The following FAM131A variants were observed in gnomAD, a reference collection of about 807,000 sequenced individuals.
FAM131A encodes protein FAM131A.
In FAM131A, 24 loss-of-function variants were observed where a neutral mutation model predicts 39.2. The observed-to-expected ratio is 0.61, with a 90% CI of 0.44 to 0.86. The LOEUF (loss-of-function observed/expected upper bound fraction) is 0.86. Ranked by LOEUF, FAM131A falls within the 40% of genes least tolerant of loss-of-function variation. The pLI, the probability that FAM131A is intolerant of heterozygous loss-of-function variation, is 0.00. For missense variants in FAM131A, 373 were observed against 481.2 expected (o/e 0.78, Z 2.10); for synonymous variants, 202 against 206.8 (o/e 0.98, Z 0.20).
At position 184,346,163 on chromosome 3, in the gene FAM131A, C is replaced by T. The variant is rs528632669; in HGVS notation, c.*1193C>T. 1.5e-4 allele frequency: 29 copies of T among 193,368 alleles called. No homozygotes were observed. The highest frequency in any genetic ancestry group is 2.5e-4 in the Non-Finnish European group (23 of 92,126). The allele number at this position is 193,368 out of a possible 1,614,324, so 12.0% of individuals were successfully genotyped here. A position where few individuals can be genotyped will look rare whatever the true frequency, so the allele number is the denominator to read the frequency against. On this transcript the variant is annotated 3_prime_UTR_variant, in exon 6 of 6. Coordinates refer to ENST00000383847, the MANE Select transcript of FAM131A (RefSeq NM_144635.5). This position sits in a 1 kb window ranked among gnomAD's most constrained non-coding sequence, Gnocchi z 6.0. ...CAGGTAAGAGGGCCCAAGGTAAGAA[C>T]GAGAGCCAACGGGCACAAGCATTCT...
rs890094748 is a variant in FAM131A at position 184,345,460 on chromosome 3, C to G, written c.*490C>G. 4 of 697,556 alleles carry G rather than the reference C, an allele frequency of 5.7e-6. No individual in the cohort carries two copies. The highest frequency in any genetic ancestry group is 2.7e-5 in the East Asian group (1 of 37,202). 43.2% of individuals were successfully genotyped at this position (697,556 alleles called of 1,614,324 possible). A position where few individuals can be genotyped will look rare whatever the true frequency, so the allele number is the denominator to read the frequency against. On this transcript the variant is annotated 3_prime_UTR_variant, in exon 6 of 6. Transcript: ENST00000383847. ...CCTGGAGGGGCTGGCTCCTGCCCTC[C>G]CGGAGCCTATGGGTTGAGCCGTCCC... is the stretch of plus-strand genomic sequence containing the variant.
At position 184,342,400 on chromosome 3, in the gene FAM131A, C is replaced by T; in HGVS notation, c.508+152C>T. On this transcript the variant is annotated intron_variant, in intron 4 of 5. Coordinates refer to ENST00000383847, the MANE Select transcript of FAM131A (RefSeq NM_144635.5). The surrounding 1 kb of genome is among the most constrained non-coding windows in gnomAD (Gnocchi z 4.6). ...TCAGCTCACTGCAACCTCTGCCACC[C>T]CAGTTCAAGCGATTCTCCTGCCTCA... is the stretch of plus-strand genomic sequence containing the variant. The T allele has an allele frequency of 2.1e-6, 2 of 956,962 alleles. No homozygotes were observed. Among genetic ancestry groups the T allele is most frequent in the Admixed American group, 3.0e-5 (1 of 33,012 alleles). 59.3% of individuals were successfully genotyped at this position (956,962 alleles called of 1,614,324 possible). A position where few individuals can be genotyped will look rare whatever the true frequency, so the allele number is the denominator to read the frequency against.
At chr3:184,340,692 C>T (rs181886100) in intron 2 of FAM131A, 148 of 152,298 alleles carry the variant, frequency 9.7e-4, no homozygotes, top group African/African-American at 3.4e-3. Context: ...ACTACAGTGA[C>T]CAAAACAGAC....
At chr3:184,338,677 C>T (rs2094025782) in intron 2 of FAM131A, 148 bp downstream of exon 2, 2 of 1,027,006 alleles carry the variant, frequency 1.9e-6, no homozygotes, top group Non-Finnish European at 2.8e-6. Flanking sequence ...AGGCCGCCCC[C>T]GTGCCGGTCT....
Position 184,344,789 on chromosome 3 carries a change from A to G in FAM131A, c.920A>G (p.Asn307Ser), listed in dbSNP as rs1727554715. 1 of 1,611,614 alleles carries G rather than the reference A, an allele frequency of 6.2e-7. No homozygotes were observed. Among genetic ancestry groups the G allele is most frequent in the Non-Finnish European group, 8.5e-7 (1 of 1,179,772 alleles). The change falls in exon 6 of 6, where the codon AAC becomes AGC. Residue 307 changes from asparagine to serine, a missense_variant. Asn to Ser is a conservative substitution (Grantham distance 46). This residue lies in a region of FAM131A where 152 missense variants were observed against 133.5 expected (regional missense o/e 1.14). Transcript: ENST00000383847. ...GPLEAQDSLY[N>S]SPLTESCLSP... ...CTGGAGGCCCAGGACTCACTCTACA[A>G]CTCGCCCCTCACAGAGTCCTGCCTT...
At position 184,344,655 on chromosome 3, in the gene FAM131A, T is replaced by G; in HGVS notation, c.786T>G (p.Asp262Glu). 1 of 1,612,812 alleles carries G rather than the reference T, an allele frequency of 6.2e-7. No individual in the cohort carries two copies. The highest frequency in any genetic ancestry group is 1.7e-4 in the Middle Eastern group (1 of 6,056). Residue 262 changes from aspartate (D) to glutamate (E), a missense_variant, in exon 6 of 6, where the codon GAT (aspartate) becomes GAG (glutamate). Coordinates refer to ENST00000383847, the MANE Select transcript of FAM131A (RefSeq NM_144635.5). Reference sequence around the variant, plus strand: ...GCTCTAGTCTGTGCAGCCTGGAGGATGGGTTGTTGGGCTCCCCGGCCCGGC... The same window carrying G: ...GCTCTAGTCTGTGCAGCCTGGAGGAGGGGTTGTTGGGCTCCCCGGCCCGGC... ...TLCSSLCSLE[D>E]GLLGSPARLA...
chr3:184,342,118 G>A lies in FAM131A; in HGVS notation c.378G>A (p.Gln126=). Residue 126 remains glutamine, a synonymous_variant, in exon 4 of 6, where the codon CAG becomes CAA. Coordinates refer to ENST00000383847, the MANE Select transcript of FAM131A (RefSeq NM_144635.5). The surrounding 1 kb of genome is among the most constrained non-coding windows in gnomAD (Gnocchi z 4.6). Reference sequence around the variant, plus strand: ...TGACCAAGCCTACCGCCATGGCCCAGGGCCGAGTGGCTCACCTCATTGAGT... The same window carrying A: ...TGACCAAGCCTACCGCCATGGCCCAAGGCCGAGTGGCTCACCTCATTGAGT... ...DHVTKPTAMA[Q]GRVAHLIEWK... The A allele has an allele frequency of 6.2e-7, 1 of 1,614,236 alleles. No homozygotes were observed. The highest frequency in any genetic ancestry group is 8.5e-7 in the Non-Finnish European group (1 of 1,180,048).
In FAM131A at chr3:184,345,616, G is replaced by C. The variant is rs1456207539; in HGVS notation, c.*646G>C. 2.8e-6 allele frequency: 2 copies of C among 702,072 alleles called. No individual in the cohort carries two copies. The highest frequency in any genetic ancestry group is 5.2e-6 in the Non-Finnish European group (2 of 384,606). 43.5% of individuals were successfully genotyped at this position (702,072 alleles called of 1,614,324 possible). A position where few individuals can be genotyped will look rare whatever the true frequency, so the allele number is the denominator to read the frequency against. ...TTTCAGTCGGATCTTCTCTTCTCTG[G>C]GAGGCTTTGGAATGATGAAAGCATG... On this transcript the variant is annotated 3_prime_UTR_variant, in exon 6 of 6. Coordinates refer to ENST00000383847, the MANE Select transcript of FAM131A (RefSeq NM_144635.5).
At chr3:184,336,171 C>T (rs1727073852), upstream of FAM131A, 1 of 152,378 alleles carries the variant, frequency 6.6e-6, no homozygotes, top group African/African-American at 2.4e-5. The surrounding 1 kb of genome is among the most constrained non-coding windows in gnomAD (Gnocchi z 5.5). Context: ...GCTGCGGCCG[C>T]CGGTGCGCGG....
chr3:184,338,277 C>A, intron 1 of FAM131A, 110 bp from the exon 2 acceptor site: 1 of 1,210,730 alleles, frequency 8.3e-7, no homozygotes, highest in South Asian at 1.9e-5. Flanking sequence ...GGGCGCTGGT[C>A]TTCTGGAAGG....
chr3:184,338,487 G>A lies in FAM131A; in HGVS notation c.189G>A (p.Arg63=), dbSNP rs115148262. The change falls in exon 2 of 6, where the codon AGG becomes AGA. Residue 63 remains arginine, a synonymous_variant. Coordinates refer to ENST00000383847, the MANE Select transcript of FAM131A (RefSeq NM_144635.5). ...GSARTLRGWS[R]SSRPSSVDSQ... Reference sequence around the variant, plus strand: ...CTCGAACCCTCCGAGGCTGGAGCAGGTCCTCCCGCCCTTCCTCGGTGGACA... The same window carrying A: ...CTCGAACCCTCCGAGGCTGGAGCAGATCCTCCCGCCCTTCCTCGGTGGACA... 1.2e-5 allele frequency: 18 copies of A among 1,536,372 alleles called. No individual in the cohort carries two copies. The highest frequency in any genetic ancestry group is 2.4e-5 in the East Asian group (1 of 40,832).
chr3:184,345,151 C>T lies in FAM131A; in HGVS notation c.*181C>T, dbSNP rs1727581817. The T allele has an allele frequency of 2.9e-6, 2 of 682,958 alleles. No homozygotes were observed. Among genetic ancestry groups the T allele is most frequent in the Admixed American group, 6.6e-5 (2 of 30,132 alleles). 42.3% of individuals were successfully genotyped at this position (682,958 alleles called of 1,614,324 possible). A position where few individuals can be genotyped will look rare whatever the true frequency, so the allele number is the denominator to read the frequency against. ...GTTTGGAGAGGAGGCAGGGGCTGGG[C>T]TGGGGGCGCATGTCCTGCCCCCACT... On this transcript the variant is annotated 3_prime_UTR_variant, in exon 6 of 6. Coordinates refer to ENST00000383847, the MANE Select transcript of FAM131A (RefSeq NM_144635.5).
chr3:184,343,216 T>G (rs1407463868), intron 5 of FAM131A: 5 of 170,158 alleles, frequency 2.9e-5, no homozygotes, highest in Non-Finnish European at 3.8e-5. Flanking sequence ...TGCCTCTTCC[T>G]CTCCGAGGCA....
upstream of FAM131A, chr3:184,335,926 G>A (rs955716236): frequency 6.6e-6 from 1 of 152,242 alleles, no homozygotes; most frequent in African/African-American, 2.4e-5. Context: ...CCGCGCTTAC[G>A]TCACCGGCCC....
chr3:184,337,781 A>G, intron 1 of FAM131A, 63 bp downstream of exon 1: 6 of 1,455,464 alleles, frequency 4.1e-6, no homozygotes, highest in Non-Finnish European at 5.6e-6. Context: ...TAGGGTGCTT[A>G]GGTGGAAAAG....
At position 184,337,723 on chromosome 3, in the gene FAM131A, G is replaced by C. The variant is rs1003393161; in HGVS notation, c.88+5G>C. On this transcript the variant is annotated splice_donor_5th_base_variant and intron_variant, in intron 1 of 5. Transcript: ENST00000383847. The stretch of plus-strand genomic sequence containing the variant: ...CTTGTCAGACAAGTCGCAGAGGTGA[G>C]ACCAGGGATCATGGATGTGATCTGG... 7.8e-6 allele frequency: 12 copies of C among 1,537,106 alleles called. No homozygotes were observed.
chr3:184,342,139 T>C lies in FAM131A; in HGVS notation c.399T>C (p.Ile133=). 1 of 1,614,100 alleles carries C rather than the reference T, an allele frequency of 6.2e-7. No homozygotes were observed. Among genetic ancestry groups the C allele is most frequent in the Non-Finnish European group, 8.5e-7 (1 of 1,180,002 alleles). Residue 133 remains isoleucine (I), a synonymous_variant, in exon 4 of 6, where the codon ATT becomes ATC. Transcript: ENST00000383847. The surrounding 1 kb of genome is among the most constrained non-coding windows in gnomAD (Gnocchi z 4.6). ...CCCAGGGCCGAGTGGCTCACCTCAT[T>C]GAGTGGAAGGGCTGGAGCAAGCCGA... ...AMAQGRVAHL[I]EWKGWSKPSD...
chr3:184,345,717 G>T lies in FAM131A; in HGVS notation c.*747G>T, dbSNP rs1304073906. The T allele has an allele frequency of 5.0e-6, 3 of 603,488 alleles. No homozygotes were observed. In the African/African-American group the frequency reaches 5.6e-5, roughly 11 times the overall value. The allele number at this position is 603,488 out of a possible 1,614,324, so 37.4% of individuals were successfully genotyped here. ...ACCCCTCCTAGGATGTGCGGGCAGT[G>T]TGCTGGCGCCTCACAGCCAGCCGGG... is the stretch of plus-strand genomic sequence containing the variant. On this transcript the variant is annotated 3_prime_UTR_variant, in exon 6 of 6. Coordinates refer to ENST00000383847, the MANE Select transcript of FAM131A (RefSeq NM_144635.5).
rs144334171 is a variant in FAM131A, at chr3:184,339,755, C to T, written c.231+1226C>T. 8.7e-3 allele frequency: 1,318 copies of T among 152,342 alleles called. 12 individuals carry two copies. Among genetic ancestry groups the T allele is most frequent in the African/African-American group, 0.03 (1,231 of 41,474 alleles). The allele number at this position is 152,342 out of a possible 1,614,324, so 9.4% of individuals were successfully genotyped here. A position where few individuals can be genotyped will look rare whatever the true frequency, so the allele number is the denominator to read the frequency against. On this transcript the variant is annotated intron_variant, in intron 2 of 5. Transcript: ENST00000383847. ...GATTACAGGCGTGAGCCACTGCGCC[C>T]GGCCTGAGAAGGGGGGTTTTATTGG...
Sources: gnomAD v4.1 joint callset for allele counts on GRCh38, gnomAD v4.1.1 for gene constraint, gnomAD v4.1.1 regional missense constraint, Gnocchi (gnomAD v3.1) non-coding constraint, MANE v1.5 for transcripts, NCBI Gene and HGNC (gene_info 2026-07-23, HGNC 2026-07-21) for gene names.